CACNA1S: variants seen among roughly 807,000 people sequenced by gnomAD.
CACNA1S encodes calcium voltage-gated channel subunit alpha1 S.
CACNA1S carries 126 observed loss-of-function variants against 207.4 expected under a neutral mutation model. The observed-to-expected ratio is 0.61, with a 90% CI of 0.53 to 0.70. CACNA1S has a LOEUF of 0.70. CACNA1S is among the 30% of genes least tolerant of loss of function. CACNA1S has a pLI of 0.00. For synonymous variants in CACNA1S, 960 were observed against 932.7 expected (o/e 1.03, Z -0.53); for missense variants, 2,349 against 2,422.8 (o/e 0.97, Z 0.64).
chr1:201,061,086 C>G (rs1217918858), intron 25 of CACNA1S, among the ~76,000 whole-genome samples, 181 bp downstream of exon 25: 2 of 152,212 alleles, frequency 1.3e-5, no homozygotes. Flanking sequence ...AAGACCCACT[C>G]TACCAACTTG....
chr1:201,073,521 C>T (rs780532229), intron 15 of CACNA1S, 28 bp downstream of exon 15: 1 of 1,567,434 alleles, frequency 6.4e-7, no homozygotes, highest in East Asian at 2.2e-5. Context: ...CCTAGACTGC[C>T]TCTAACATCC....
At chr1:201,081,011 C>T (rs1354901064) in intron 10 of CACNA1S, among the ~76,000 whole-genome samples, 1 of 152,194 alleles carries the variant, frequency 6.6e-6, no homozygotes, top group Non-Finnish European at 1.5e-5. Context: ...TCACTTGAGA[C>T]ATTTTTCCTT....
chr1:201,110,029 G>T (rs1022938388), intron 2 of CACNA1S, 135 bp downstream of exon 2: 5 of 803,292 alleles, frequency 6.2e-6, no homozygotes, highest in Middle Eastern at 3.0e-4. Flanking sequence ...CCTGCAGGTG[G>T]CTGGGGATGC....
chr1:201,076,862 A>G, intron 12 of CACNA1S, 58 bp downstream of exon 12: 1 of 1,489,754 alleles, frequency 6.7e-7, no homozygotes, highest in Non-Finnish European at 9.4e-7. Flanking sequence ...ATCTTGAAGG[A>G]CAAGAAGCAG....
In CACNA1S at chr1:201,073,348, TCTG is replaced by T. The variant is rs71138316; in HGVS notation, c.2157+198_2157+200del. On this transcript the variant is annotated intron_variant, in intron 15 of 43. Coordinates refer to ENST00000362061, the MANE Select transcript of CACNA1S (RefSeq NM_000069.3). The stretch of plus-strand genomic sequence containing the variant: ...GAAGTCTGGTTCCCAGATTGGGAGG[TCTG>T]CTGTGCCTCTCAGTGCAGGAGTCCC... 0.71 allele frequency among the ~76,000 whole-genome samples: 106,997 copies of T among 151,616 alleles called. 39,118 individuals carry two copies. The highest frequency in any genetic ancestry group is 0.96 in the East Asian group (4,940 of 5,146).
In CACNA1S at chr1:201,089,334, A is replaced by G; in HGVS notation, c.824T>C (p.Phe275Ser). 6.2e-7 allele frequency: 1 copy of G among 1,614,274 alleles called. No homozygotes were observed. Among genetic ancestry groups the G allele is most frequent in the Non-Finnish European group, 8.5e-7 (1 of 1,180,050 alleles). Residue 275 changes from phenylalanine (F) to serine (S), a missense_variant, in exon 6 of 44, where the codon TTC becomes TCC. Phe to Ser is a radical substitution (Grantham distance 155, BLOSUM62 -2). Coordinates refer to ENST00000362061, the MANE Select transcript of CACNA1S (RefSeq NM_000069.3). ...WPGPNHGITH[F>S]DNFGFSMLTV... ...GAGCATGGAGAAGCCGAAGTTGTCG[A>G]AGTGGGTGATGCCATGGTTGGGCCC...
intron 2 of CACNA1S, among the ~76,000 whole-genome samples, chr1:201,097,401 G>T (rs1199458809): frequency 6.6e-6 from 1 of 152,084 alleles, no homozygotes; most frequent in Non-Finnish European, 1.5e-5. Context: ...CAATCATGTG[G>T]AATGACTTTC....
At chr1:201,040,428 A>T in intron 42 of CACNA1S, 54 bp from the exon 43 acceptor site, 1 of 1,602,746 alleles carries the variant, frequency 6.2e-7, no homozygotes, top group South Asian at 1.1e-5. Flanking sequence ...GAGCCCACCA[A>T]TGAGCAAAAT....
At position 201,070,367 on chromosome 1, in the gene CACNA1S, G is replaced by GCTCC; in HGVS notation, c.2264_2265insGGAG (p.Ser755ArgfsTer10). The GCTCC allele has an allele frequency of 6.2e-7, 1 of 1,614,062 alleles. No individual in the cohort carries two copies. The highest frequency in any genetic ancestry group is 8.5e-7 in the Non-Finnish European group (1 of 1,179,998). On this transcript the variant is annotated frameshift_variant, in exon 17 of 44. Coordinates refer to ENST00000362061, the MANE Select transcript of CACNA1S (RefSeq NM_000069.3). LOFTEE classifies it high-confidence loss of function. ...GCTCAGCCAGGGGACGTGGTCGGGG[G>GCTCC]CTCAGCGGGATCTCAGGCTCATCTT...
Position 201,066,032 on chromosome 1 carries a change from TTGC to T in CACNA1S, c.2746-90_2746-88del. ...TGAGGAAACCCCAGGAGTGCAAGAC[TTGC>T]TGCCTCCTGATGAGTTGGAGGTGGG... On this transcript the variant is annotated intron_variant, in intron 21 of 43. Transcript: ENST00000362061. The surrounding 1 kb of genome is among the most constrained non-coding windows in gnomAD (Gnocchi z 4.3). 1 of 1,044,524 alleles carries T rather than the reference TTGC, an allele frequency of 9.6e-7. No homozygotes were observed. The highest frequency in any genetic ancestry group is 1.5e-6 in the Non-Finnish European group (1 of 681,840). 64.7% of individuals were successfully genotyped at this position (1,044,524 alleles called of 1,614,324 possible). A position where few individuals can be genotyped will look rare whatever the true frequency, so the allele number is the denominator to read the frequency against.
At chr1:201,102,026 T>C (rs1228571253) in intron 2 of CACNA1S, among the ~76,000 whole-genome samples, 1 of 152,204 alleles carries the variant, frequency 6.6e-6, no homozygotes, top group East Asian at 1.9e-4. Context: ...GGTAGTCCCC[T>C]GGCCTGGGAG....
chr1:201,062,308 G>A (rs754308728), intron 23 of CACNA1S, among the ~76,000 whole-genome samples, 154 bp downstream of exon 23: 3 of 152,208 alleles, frequency 2.0e-5, no homozygotes, highest in South Asian at 2.1e-4. Flanking sequence ...TTGAAGGGCC[G>A]TCATCCACCA....
intron 28 of CACNA1S, 150 bp from the exon 29 acceptor site, chr1:201,054,711 G>A (rs560336721): frequency 1.3e-5 from 2 of 148,610 alleles, no homozygotes; most frequent in South Asian, 2.2e-4. Flanking sequence ...CCACATGGCT[G>A]CCAATCAGGG....
At chr1:201,062,962 C>G (rs1259684685) in intron 22 of CACNA1S, among the ~76,000 whole-genome samples, 15 of 152,158 alleles carry the variant, frequency 9.9e-5, no homozygotes, top group Admixed American at 9.8e-4. Context: ...CTGCCCACCT[C>G]CCACCTCCAT....
intron 10 of CACNA1S, 84 bp downstream of exon 10, chr1:201,083,078 C>G: frequency 4.1e-6 from 6 of 1,458,782 alleles, no homozygotes; most frequent in Non-Finnish European, 5.8e-6. Context: ...CTCTTCTGCA[C>G]AACCTGTGGT....
chr1:201,077,018 C>T lies in CACNA1S; in HGVS notation c.1729G>A (p.Gly577Ser). The T allele has an allele frequency of 6.2e-7, 1 of 1,614,196 alleles. No homozygotes were observed. Among genetic ancestry groups the T allele is most frequent in the Non-Finnish European group, 8.5e-7 (1 of 1,180,030 alleles). ...FLFIVIFALL[G>S]MQLFGGRYDF... is the part of the protein sequence containing the mutation. ...TACCTCCCCCCAAAGAGCTGCATGCCCAGGAGGGCGAAGATGACGATGAAG... is the reference window on the plus strand; with the variant it reads ...TACCTCCCCCCAAAGAGCTGCATGCTCAGGAGGGCGAAGATGACGATGAAG... Residue 577 changes from glycine (G) to serine (S), a missense_variant, in exon 12 of 44, where the codon GGC becomes AGC. By Grantham distance (56) the Gly-to-Ser change is moderately conservative. Transcript: ENST00000362061.
chr1:201,078,744 G>A (rs1162563951), intron 10 of CACNA1S, among the ~76,000 whole-genome samples: 4 of 151,782 alleles, frequency 2.6e-5, no homozygotes, highest in Admixed American at 6.6e-5. Context: ...CCCCCTTTTC[G>A]GGAAGCTCCC....
At position 201,053,569 on chromosome 1, in the gene CACNA1S, G is replaced by C. The variant is rs781070076; in HGVS notation, c.3685C>G (p.Arg1229Gly). The C allele has an allele frequency of 6.2e-7, 1 of 1,613,886 alleles. No homozygotes were observed. ...AGGCGGAAGAAGGCGCTGGAGATGC[G>C]GGCACTCTCATCTGGGTCCTGCGGG... Reference protein sequence around the residue: ...CGNVDPDESARISSAFFRLFR... With the variant: ...CGNVDPDESAGISSAFFRLFR... The change falls in exon 30 of 44, where the codon CGC (arginine) becomes GGC (glycine). Residue 1229 changes from arginine (R) to glycine (G), a missense_variant. Arg to Gly is a moderately radical substitution (Grantham distance 125). Coordinates refer to ENST00000362061, the MANE Select transcript of CACNA1S (RefSeq NM_000069.3). This position sits in a 1 kb window ranked among gnomAD's most constrained non-coding sequence, Gnocchi z 5.1.
At chr1:201,057,237 G>A (rs148909842) in intron 28 of CACNA1S, among the ~76,000 whole-genome samples, 18 of 152,256 alleles carry the variant, frequency 1.2e-4, no homozygotes, top group Middle Eastern at 3.4e-3. Flanking sequence ...AGCTACAAGG[G>A]CCTCCTGCTC....
Sources: gnomAD v4.1 joint callset for allele counts (sites outside exome capture counted in the v4.1 genomes callset) on GRCh38, gnomAD v4.1.1 for gene constraint, Gnocchi (gnomAD v3.1) non-coding constraint, MANE v1.5 for transcripts, NCBI Gene and HGNC (gene_info 2026-07-23, HGNC 2026-07-21) for gene names.